The following PCDH11X variants were observed in gnomAD, a reference collection of about 807,000 sequenced individuals.
PCDH11X encodes the protein protocadherin 11 X-linked.
PCDH11X carries 18 observed loss-of-function variants against 53.3 expected under a neutral mutation model. That is an observed-to-expected ratio of 0.34 (90% CI 0.23 to 0.50). PCDH11X has a LOEUF of 0.50. PCDH11X is among the 20% of genes least tolerant of loss of function. PCDH11X has a pLI of 0.98. For synonymous variants in PCDH11X, 279 were observed against 393.3 expected, an observed-to-expected ratio of 0.71 and a Z score of 3.44; for missense variants, 570 against 1,032.4, an observed-to-expected ratio of 0.55 and a Z score of 6.14.
intron 10 of PCDH11X, among the ~76,000 whole-genome samples, chrX:92,490,742 AAG>A (rs1259005039): frequency 2.0e-5 from 2 of 102,376 alleles, no homozygotes; most frequent in African/African-American, 3.7e-5. Flanking sequence ...GAAAGAGAGA[AAG>A]AGAGAAAGAA....
At chrX:91,848,319 A>C (rs1343425313) in intron 5 of PCDH11X, among the ~76,000 whole-genome samples, 1 of 108,446 alleles carries the variant, frequency 9.2e-6, no homozygotes, top group Non-Finnish European at 1.9e-5. Context: ...CTCCTGCCCC[A>C]GCCTCCCGAG....
chrX:92,248,574 T>G (rs1486992234), intron 7 of PCDH11X, among the ~76,000 whole-genome samples: 2 of 111,868 alleles, frequency 1.8e-5, no homozygotes, highest in African/African-American at 6.5e-5. Flanking sequence ...TCATTTCTTT[T>G]TGTTGGGAAC....
chrX:91,927,056 A>G (rs1179114193), intron 6 of PCDH11X, among the ~76,000 whole-genome samples: 1 of 111,269 alleles, frequency 9.0e-6, no homozygotes, highest in Non-Finnish European at 1.9e-5. Flanking sequence ...AATGAAAGCA[A>G]GAACTGTTTT....
At position 92,231,162 on chromosome X, in the gene PCDH11X, C is replaced by T. The variant is rs184315664; in HGVS notation, c.3114+29707C>T. Among the ~76,000 whole-genome samples the T allele has an allele frequency of 6.8e-4, 76 of 111,283 alleles. No homozygotes were observed. The Admixed American group carries it at 7.3e-3, about 11-fold the overall frequency. ...ACTTCACCCAAATTAGAAACAGAAA[C>T]GGACTCTAAATGCTTTTTTATTTTG... is the stretch of plus-strand genomic sequence containing the variant. On this transcript the variant is annotated intron_variant, in intron 7 of 10. Coordinates refer to ENST00000682573, the MANE Select transcript of PCDH11X (RefSeq NM_032968.5).
rs192056170 is a variant in PCDH11X, at chrX:91,824,748, G to A, written c.-44-10713G>A. On this transcript the variant is annotated intron_variant, in intron 4 of 10. Transcript: ENST00000682573. Reference sequence around the variant, plus strand: ...TGTGTTCTTTTGGAGGAGGAGAGGCGCTCTGCTTTTTAGAATTTCCAGTTT... The same window carrying A: ...TGTGTTCTTTTGGAGGAGGAGAGGCACTCTGCTTTTTAGAATTTCCAGTTT... Among the ~76,000 whole-genome samples, 24 of 108,668 alleles carry A rather than the reference G, an allele frequency of 2.2e-4. No individual in the cohort carries two copies. The East Asian group carries it at 2.6e-3, about 12-fold the overall frequency. 94.4% of individuals were successfully genotyped at this position (108,668 alleles called of 115,157 possible). A position where few individuals can be genotyped will look rare whatever the true frequency, so the allele number is the denominator to read the frequency against.
intron 8 of PCDH11X, among the ~76,000 whole-genome samples, chrX:92,317,292 A>T: frequency 9.2e-6 from 1 of 108,828 alleles, no homozygotes; most frequent in Middle Eastern, 4.8e-3. Flanking sequence ...TATCTATAAT[A>T]TGTGTTTCCA....
chrX:91,895,948 A>G (rs2147776087), intron 6 of PCDH11X, among the ~76,000 whole-genome samples: 1 of 101,487 alleles, frequency 9.9e-6, no homozygotes, highest in South Asian at 4.5e-4. Context: ...ATATATGTAT[A>G]TTATGTACGT....
chrX:92,330,135 T>C (rs184225142), intron 8 of PCDH11X, among the ~76,000 whole-genome samples: 1 of 109,787 alleles, frequency 9.1e-6, no homozygotes, highest in African/African-American at 3.3e-5. Flanking sequence ...AAATTAAAAA[T>C]TTAAAAAAAA....
intron 7 of PCDH11X, among the ~76,000 whole-genome samples, chrX:92,230,996 G>A (rs917516280): frequency 1.8e-5 from 2 of 111,264 alleles, no homozygotes; most frequent in Admixed American, 1.9e-4. Context: ...GGTACAGAAT[G>A]TGGCAATAGG....
At chrX:91,884,222 T>TAAA (rs1940093457) in intron 6 of PCDH11X, among the ~76,000 whole-genome samples, 1 of 106,999 alleles carries the variant, frequency 9.3e-6, no homozygotes, top group African/African-American at 3.5e-5. Context: ...AGAAAAAAAG[T>TAAA]TATTTTTGTT....
At chrX:92,350,566 C>A (rs12850274) in intron 8 of PCDH11X, among the ~76,000 whole-genome samples, 1 of 111,688 alleles carries the variant, frequency 9.0e-6, no homozygotes, top group Non-Finnish European at 1.9e-5. Flanking sequence ...ACCGTCTTCA[C>A]GTCTCTTAGC....
intron 10 of PCDH11X, among the ~76,000 whole-genome samples, chrX:92,591,100 G>T (rs934218233): frequency 9.0e-6 from 1 of 111,583 alleles, no homozygotes; most frequent in African/African-American, 3.3e-5. Flanking sequence ...ATGTTAATTT[G>T]GTTCCCCCAA....
At chrX:92,317,325 A>G (rs186433132) in intron 8 of PCDH11X, among the ~76,000 whole-genome samples, 519 of 110,460 alleles carry the variant, frequency 4.7e-3, no homozygotes, top group African/African-American at 0.016. Flanking sequence ...AAATTTCTTC[A>G]TTATTCTACC....
intron 8 of PCDH11X, among the ~76,000 whole-genome samples, chrX:92,325,919 T>G (rs1372298065): frequency 8.9e-6 from 1 of 112,281 alleles, no homozygotes; most frequent in African/African-American, 3.2e-5. Context: ...GCCACAGTGC[T>G]AATAATTGAT....
chrX:92,299,479 A>G (rs1467693506), intron 8 of PCDH11X, among the ~76,000 whole-genome samples: 3 of 110,971 alleles, frequency 2.7e-5, no homozygotes, highest in African/African-American at 6.6e-5. Flanking sequence ...TACTGATTCA[A>G]TTTTGGACCT....
intron 6 of PCDH11X, among the ~76,000 whole-genome samples, chrX:91,957,898 C>T (rs1034927761): frequency 3.7e-5 from 4 of 108,666 alleles, no homozygotes; most frequent in Non-Finnish European, 5.7e-5. Context: ...AAGATGGAGG[C>T]CACCCCTTCC....
At chrX:91,806,298 A>G (rs910568001) in intron 1 of PCDH11X, among the ~76,000 whole-genome samples, 1 of 113,929 alleles carries the variant, frequency 8.8e-6, no homozygotes, top group Non-Finnish European at 1.9e-5. Flanking sequence ...CCACTAGAAA[A>G]TGTTGTTTCT....
At chrX:92,210,685 T>C (rs2066569341) in intron 7 of PCDH11X, among the ~76,000 whole-genome samples, 1 of 112,097 alleles carries the variant, frequency 8.9e-6, no homozygotes, top group Non-Finnish European at 1.9e-5. Context: ...AGAAGCAGCC[T>C]GGTCACACCT....
At chrX:92,151,674 A>T (rs1032081200) in intron 6 of PCDH11X, among the ~76,000 whole-genome samples, 3 of 111,529 alleles carry the variant, frequency 2.7e-5, no homozygotes, top group Non-Finnish European at 3.8e-5. Context: ...AAACAAAAAA[A>T]CTTCACATTA....
Sources: gnomAD v4.1 joint callset for allele counts (sites outside exome capture counted in the v4.1 genomes callset) on GRCh38, gnomAD v4.1.1 for gene constraint, MANE v1.5 for transcripts, NCBI Gene and HGNC (gene_info 2026-07-23, HGNC 2026-07-21) for gene names.